Variants in ZFHX4 observed in about 807,000 individuals in gnomAD.
ZFHX4 encodes zinc finger homeobox protein 4.
ZFHX4 carries 56 observed loss-of-function variants against 267.6 expected under a neutral mutation model. That is an observed-to-expected ratio of 0.21 (90% CI 0.17 to 0.26). ZFHX4 has a LOEUF of 0.26. ZFHX4 is among the 10% of genes least tolerant of loss of function. ZFHX4 has a pLI of 1.00. For missense variants in ZFHX4, 4,332 were observed against 4,420.0 expected, an observed-to-expected ratio of 0.98 and a Z score of 0.56; for synonymous variants, 1,778 against 1,665.6, an observed-to-expected ratio of 1.07 and a Z score of -1.64.
chr8:76,852,931 C>A lies in ZFHX4; in HGVS notation c.6010C>A (p.Pro2004Thr). Residue 2004 changes from proline (P) to threonine (T), a missense_variant, in exon 10 of 11, where the codon CCC (proline) becomes ACC (threonine). By Grantham distance (38) the Pro-to-Thr change is conservative (BLOSUM62 -1). Transcript: ENST00000651372. ...PISPSSPETP[P>T]PPPPPPPLPP... Reference sequence around the variant, plus strand: ...TTCTCCATCTTCTCCAGAAACGCCGCCCCCGCCACCTCCTCCTCCTCCCTT... The same window carrying A: ...TTCTCCATCTTCTCCAGAAACGCCGACCCCGCCACCTCCTCCTCCTCCCTT... 6.3e-7 allele frequency: 1 copy of A among 1,591,466 alleles called. No individual in the cohort carries two copies. Among genetic ancestry groups the A allele is most frequent in the Non-Finnish European group, 8.6e-7 (1 of 1,168,338 alleles).
intron 3 of ZFHX4, among the ~76,000 whole-genome samples, chr8:76,714,314 A>T (rs930684351): frequency 1.3e-5 from 2 of 152,186 alleles, no homozygotes; most frequent in Non-Finnish European, 2.9e-5. Context: ...CACACTGCTG[A>T]AAGGGTCTTG....
At chr8:76,726,002 A>G (rs1808843131) in intron 3 of ZFHX4, among the ~76,000 whole-genome samples, 1 of 152,148 alleles carries the variant, frequency 6.6e-6, no homozygotes, top group Non-Finnish European at 1.5e-5. Context: ...GGAGTGGGGC[A>G]GTTTGTTGTA....
At chr8:76,764,044 A>G (rs954024246) in intron 3 of ZFHX4, among the ~76,000 whole-genome samples, 4 of 152,176 alleles carry the variant, frequency 2.6e-5, no homozygotes, top group Admixed American at 1.3e-4. Flanking sequence ...AATGGAGGGA[A>G]TATTGGAGCA....
At chr8:76,786,921 T>C (rs922185734) in intron 4 of ZFHX4, among the ~76,000 whole-genome samples, 33 of 152,272 alleles carry the variant, frequency 2.2e-4, no homozygotes, top group African/African-American at 7.9e-4. Context: ...AAACCATCCA[T>C]AGCATGATTG....
chr8:76,855,966 G>A lies in ZFHX4; in HGVS notation c.9045G>A (p.Lys3015=). ...TKPECTLCGV[K]YSARLSIRDH... is the part of the protein sequence containing the mutation. The stretch of plus-strand genomic sequence containing the variant: ...CAGAGTGTACCCTCTGCGGGGTGAA[G>A]TACTCTGCCCGCTTGTCCATCAGAG... Residue 3015 remains lysine, a synonymous_variant, in exon 10 of 11, where the codon AAG becomes AAA. Transcript: ENST00000651372. 3.7e-6 allele frequency: 6 copies of A among 1,613,930 alleles called. No homozygotes were observed. The highest frequency in any genetic ancestry group is 5.1e-6 in the Non-Finnish European group (6 of 1,179,882).
At chr8:76,843,627 G>A (rs1280292224) in intron 6 of ZFHX4, among the ~76,000 whole-genome samples, 1 of 152,074 alleles carries the variant, frequency 6.6e-6, no homozygotes, top group Non-Finnish European at 1.5e-5. Flanking sequence ...GCTATACCTC[G>A]TTTTATTATG....
intron 4 of ZFHX4, among the ~76,000 whole-genome samples, chr8:76,785,146 C>T (rs1268582418): frequency 6.6e-6 from 1 of 151,970 alleles, no homozygotes; most frequent in East Asian, 1.9e-4. Flanking sequence ...TAATGTAAAG[C>T]TGTATCCCCC....
chr8:76,752,421 C>T (rs1435394652), intron 3 of ZFHX4, among the ~76,000 whole-genome samples: 1 of 133,406 alleles, frequency 7.5e-6, no homozygotes, highest in Non-Finnish European at 1.5e-5. Flanking sequence ...GCAGGCAGAT[C>T]ATTTGAGGTC....
At position 76,854,006 on chromosome 8, in the gene ZFHX4, A is replaced by C; in HGVS notation, c.7085A>C (p.Lys2362Thr). 1.2e-6 allele frequency: 2 copies of C among 1,613,936 alleles called. No individual in the cohort carries two copies. The highest frequency in any genetic ancestry group is 1.7e-6 in the Non-Finnish European group (2 of 1,179,882). ...SMDATDQVVYKHCTVSGQTDA... is the reference protein window; with the variant it reads ...SMDATDQVVYTHCTVSGQTDA... ...GATGCCACTGATCAAGTGGTATACA[A>C]GCATTGCACAGTGTCTGGCCAAACG... The change falls in exon 10 of 11, where the codon AAG (lysine) becomes ACG (threonine). Residue 2362 changes from lysine to threonine, a missense_variant. This residue lies in a region of ZFHX4 where 1,648 missense variants were observed against 1,625.0 expected (regional missense o/e 1.01). Transcript: ENST00000651372.
At chr8:76,802,809 G>A (rs1204623524) in intron 4 of ZFHX4, among the ~76,000 whole-genome samples, 1 of 152,174 alleles carries the variant, frequency 6.6e-6, no homozygotes, top group African/African-American at 2.4e-5. Context: ...CTTTCAAATA[G>A]TTGTTGTTTT....
intron 3 of ZFHX4, among the ~76,000 whole-genome samples, chr8:76,768,524 C>G (rs1810148988): frequency 6.6e-6 from 1 of 152,118 alleles, no homozygotes; most frequent in Non-Finnish European, 1.5e-5. Flanking sequence ...TAAGCAAACA[C>G]TTAACAACTA....
intron 3 of ZFHX4, among the ~76,000 whole-genome samples, chr8:76,761,662 A>G (rs1361908835): frequency 6.6e-6 from 1 of 152,194 alleles, no homozygotes; most frequent in Non-Finnish European, 1.5e-5. Context: ...TAAACAATAC[A>G]TGTGTTTTAA....
intron 4 of ZFHX4, among the ~76,000 whole-genome samples, chr8:76,781,610 A>G (rs754012221): frequency 3.3e-5 from 5 of 152,022 alleles, no homozygotes; most frequent in Non-Finnish European, 7.4e-5. Context: ...TGACCTATTA[A>G]CTTTTTATCA....
Position 76,863,311 on chromosome 8 carries a change from G to GA in ZFHX4, c.9604dup (p.Ile3202AsnfsTer34). ...AAAAGCAAACTAAGCCAAACAAGGT[G>GA]AAAAAAATCAAAGAGGAGGAATTAG... On this transcript the variant is annotated frameshift_variant, in exon 11 of 11. Coordinates refer to ENST00000651372, the MANE Select transcript of ZFHX4 (RefSeq NM_024721.5). LOFTEE classifies it high-confidence loss of function. 1 of 1,612,508 alleles carries GA rather than the reference G, an allele frequency of 6.2e-7. No homozygotes were observed. Among genetic ancestry groups the GA allele is most frequent in the Non-Finnish European group, 8.5e-7 (1 of 1,179,550 alleles).
intron 5 of ZFHX4, 168 bp downstream of exon 5, chr8:76,833,574 A>G: frequency 5.3e-6 from 3 of 565,738 alleles, no homozygotes; most frequent in Non-Finnish European, 9.3e-6. Flanking sequence ...CAATAATTGG[A>G]AGTATATGTA....
intron 3 of ZFHX4, among the ~76,000 whole-genome samples, chr8:76,751,991 T>C (rs926079807): frequency 6.6e-6 from 1 of 152,154 alleles, no homozygotes; most frequent in African/African-American, 2.4e-5. Context: ...TCTATGTTAA[T>C]ATTTACCAGA....
Position 76,704,160 on chromosome 8 carries a change from G to C in ZFHX4, c.72G>C (p.Thr24=). The C allele has an allele frequency of 6.2e-7, 1 of 1,613,928 alleles. No individual in the cohort carries two copies. The change falls in exon 2 of 11, where the codon ACG becomes ACC. Residue 24 remains threonine (T), a synonymous_variant. Coordinates refer to ENST00000651372, the MANE Select transcript of ZFHX4 (RefSeq NM_024721.5). ...AGAGCACATCAAAGCTATGTGGAAC[G>C]ACACAACTTGATAATGAGGTGCCAG... ...NGQSTSKLCG[T]TQLDNEVPEK...
intron 4 of ZFHX4, among the ~76,000 whole-genome samples, chr8:76,821,503 G>C (rs1317308438): frequency 1.3e-5 from 2 of 151,614 alleles, no homozygotes. Flanking sequence ...CTTTTAACAA[G>C]CTGACCTCTT....
intron 3 of ZFHX4, among the ~76,000 whole-genome samples, chr8:76,719,842 A>G (rs1009524505): frequency 1.3e-5 from 2 of 152,168 alleles, no homozygotes; most frequent in Admixed American, 1.3e-4. Context: ...ATGCAGTTCT[A>G]TAGGAAAATG....
Sources: gnomAD v4.1 joint callset for allele counts (sites outside exome capture counted in the v4.1 genomes callset) on GRCh38, gnomAD v4.1.1 for gene constraint, gnomAD v4.1.1 regional missense constraint, MANE v1.5 for transcripts, NCBI Gene and HGNC (gene_info 2026-07-23, HGNC 2026-07-21) for gene names.